Variants in CALN1 observed in about 807,000 individuals in gnomAD.
The protein encoded by CALN1 is calcium-binding protein 8.
A neutral mutation model predicts 30.6 loss-of-function variants in CALN1; 17 were observed. That is an observed-to-expected ratio of 0.56 (90% confidence interval 0.38 to 0.83). The LOEUF (loss-of-function observed/expected upper bound fraction) is 0.83, where lower values mean the gene tolerates loss of function less well. Ranked by LOEUF, CALN1 falls within the 40% of genes least tolerant of loss-of-function variation. The probability of loss-of-function intolerance (pLI) is 0.00; values close to 1 mark genes in which losing one functional copy is unlikely to be tolerated. For synonymous variants in CALN1, 156 were observed against 131.4 expected (o/e 1.19, Z -1.28); for missense variants, 291 against 354.9 (o/e 0.82, Z 1.45).
intron 4 of CALN1, among the ~76,000 whole-genome samples, chr7:72,096,752 G>A (rs576644813): frequency 3.3e-5 from 5 of 152,128 alleles, no homozygotes; most frequent in Admixed American, 1.3e-4. Context: ...ACAGTGTGGC[G>A]ATTCCTCAAG....
chr7:72,356,215 G>A (rs1341932205), intron 2 of CALN1, among the ~76,000 whole-genome samples: 1 of 150,074 alleles, frequency 6.7e-6, no homozygotes, highest in Non-Finnish European at 1.5e-5. Context: ...AAAAAGATAT[G>A]GTTTCAAATG....
At chr7:72,466,031 C>G in the CALN1 span, among the ~76,000 whole-genome samples, 1 of 152,110 alleles carries the variant, frequency 6.6e-6, no homozygotes, top group African/African-American at 2.4e-5. Context: ...ATCTGGCCAG[C>G]CAAGAGACTA....
At chr7:72,037,280 A>G (rs943457104) in intron 4 of CALN1, among the ~76,000 whole-genome samples, 1 of 152,122 alleles carries the variant, frequency 6.6e-6, no homozygotes, top group African/African-American at 2.4e-5. Flanking sequence ...CCTCCCGAGT[A>G]GCTGGGACCA....
intron 3 of CALN1, among the ~76,000 whole-genome samples, chr7:72,233,535 G>A (rs1794259939): frequency 1.3e-5 from 2 of 152,016 alleles, no homozygotes; most frequent in African/African-American, 4.8e-5. Context: ...CGGCAACATA[G>A]TGAGACCCCA....
chr7:72,294,106 G>A (rs112575602), intron 2 of CALN1, among the ~76,000 whole-genome samples: 36 of 151,932 alleles, frequency 2.4e-4, no homozygotes, highest in Middle Eastern at 3.4e-3. Flanking sequence ...AAAACAAAAT[G>A]AGATTCAGTT....
intron 5 of CALN1, among the ~76,000 whole-genome samples, chr7:71,922,498 T>C (rs2129518012): frequency 6.9e-6 from 1 of 145,204 alleles, no homozygotes; most frequent in South Asian, 2.1e-4. Context: ...TAATATATAA[T>C]ATATAAATAC....
chr7:72,380,577 G>T (rs982191292), intron 2 of CALN1, among the ~76,000 whole-genome samples: 1 of 152,132 alleles, frequency 6.6e-6, no homozygotes, highest in South Asian at 2.1e-4. Context: ...GGCGGTGACC[G>T]TGTCTGTTTT....
At chr7:72,230,635 A>G (rs1018871887) in intron 3 of CALN1, among the ~76,000 whole-genome samples, 3 of 152,148 alleles carry the variant, frequency 2.0e-5, no homozygotes, top group African/African-American at 7.2e-5. Context: ...GACTCTATAG[A>G]AGTTCGACAA....
intron 3 of CALN1, among the ~76,000 whole-genome samples, chr7:72,150,935 C>T (rs972521201): frequency 1.3e-5 from 2 of 151,408 alleles, no homozygotes; most frequent in African/African-American, 4.8e-5. Context: ...CATGAGCCTG[C>T]ATCATGAGGC....
At chr7:72,087,595 G>C (rs548573576) in intron 4 of CALN1, among the ~76,000 whole-genome samples, 3 of 152,280 alleles carry the variant, frequency 2.0e-5, no homozygotes, top group African/African-American at 4.8e-5. Flanking sequence ...ATTCCACAGA[G>C]AGGAGAAAGC....
intron 3 of CALN1, among the ~76,000 whole-genome samples, chr7:72,156,919 G>A (rs896411778): frequency 2.0e-5 from 3 of 152,164 alleles, no homozygotes; most frequent in African/African-American, 7.2e-5. Context: ...TCTGTGAGTG[G>A]TGATGCTGAG....
intron 2 of CALN1, among the ~76,000 whole-genome samples, chr7:72,362,838 G>A (rs1480741433): frequency 6.6e-6 from 1 of 152,102 alleles, no homozygotes; most frequent in Non-Finnish European, 1.5e-5. Context: ...CCATTTCCTG[G>A]TGTCTGCCCC....
chr7:72,445,408 A>G (rs1007655751), intron 1 of CALN1, among the ~76,000 whole-genome samples: 1 of 152,080 alleles, frequency 6.6e-6, no homozygotes, highest in Admixed American at 6.6e-5. Flanking sequence ...TCTGACCCTC[A>G]CAGACCAGCT....
chr7:72,320,834 CAAAAA>C (rs56192893), intron 2 of CALN1, among the ~76,000 whole-genome samples: 1 of 67,150 alleles, frequency 1.5e-5, no homozygotes. Flanking sequence ...GACTCCATCT[CAAAAA>C]AAAAAAAAAA....
intron 3 of CALN1, among the ~76,000 whole-genome samples, chr7:72,141,084 T>C (rs1809898870): frequency 2.6e-5 from 4 of 152,196 alleles, no homozygotes; most frequent in Admixed American, 2.6e-4. Flanking sequence ...AAGGCCAAGG[T>C]CACTGGCTCC....
At chr7:71,951,414 A>C (rs776357350) in intron 5 of CALN1, among the ~76,000 whole-genome samples, 1 of 152,168 alleles carries the variant, frequency 6.6e-6, no homozygotes, top group Non-Finnish European at 1.5e-5. Context: ...AACATGGTGA[A>C]ACCCCGTCTC....
chr7:72,081,167 A>C (rs1477165147), intron 4 of CALN1, among the ~76,000 whole-genome samples: 1 of 152,120 alleles, frequency 6.6e-6, no homozygotes, highest in Non-Finnish European at 1.5e-5. Flanking sequence ...TTGCTATGGA[A>C]AAAACCATCT....
chr7:72,314,160 C>G (rs1384380157), intron 2 of CALN1, among the ~76,000 whole-genome samples: 2 of 152,128 alleles, frequency 1.3e-5, no homozygotes, highest in Non-Finnish European at 2.9e-5. Context: ...AGTCTATGCA[C>G]AGAATCAAGG....
At chr7:71,898,119 C>A (rs1793650955) in intron 5 of CALN1, among the ~76,000 whole-genome samples, 1 of 151,198 alleles carries the variant, frequency 6.6e-6, no homozygotes, top group South Asian at 2.1e-4. Context: ...CACCTGAGGT[C>A]AGGAGTTCGA....
Sources: allele counts gnomAD v4.1 joint callset (sites outside exome capture counted in the v4.1 genomes callset), GRCh38; gene constraint gnomAD v4.1.1; transcripts MANE v1.5; gene names NCBI Gene and HGNC (gene_info 2026-07-23, HGNC 2026-07-21).